Variants in NCK1 observed in about 807,000 individuals in gnomAD.
The protein encoded by NCK1 is NCK adaptor protein 1, also known as SH2/SH3 adapter protein NCK1.
Under a neutral mutation model 36.6 loss-of-function variants are expected in NCK1, and 19 were observed. The observed-to-expected ratio is 0.52, with a 90% CI of 0.36 to 0.76. The LOEUF is 0.76. Among genes scored for constraint, NCK1 ranks in the 30% least tolerant of loss-of-function variants. NCK1 has a pLI of 0.00. For missense variants in NCK1, 358 were observed against 445.6 expected, an observed-to-expected ratio of 0.80 and a Z score of 1.77; for synonymous variants, 165 against 156.0, an observed-to-expected ratio of 1.06 and a Z score of -0.43.
rs1458357258 is a variant in NCK1 at position 136,948,455 on chromosome 3, A to C, written c.*2A>C. ...TATCTTGTCAAGCATTTATCATGAT[A>C]CTGCTGACCAGAAGTGACTGCTGTG... On this transcript the variant is annotated 3_prime_UTR_variant, in exon 4 of 4. Coordinates refer to ENST00000481752, the MANE Select transcript of NCK1 (RefSeq NM_001291999.2). The C allele has an allele frequency of 6.2e-7, 1 of 1,609,916 alleles. No homozygotes were observed. The highest frequency in any genetic ancestry group is 8.5e-7 in the Non-Finnish European group (1 of 1,177,540).
Position 136,950,756 on chromosome 3 carries a change from G to A in NCK1, c.*2303G>A, listed in dbSNP as rs1940952216. On this transcript the variant is annotated 3_prime_UTR_variant, in exon 4 of 4. Transcript: ENST00000481752. ...GTTTTAGACTAGGAGGAGAGTCCTG[G>A]GAAGGGCAATATTACAGAAGTTTTC... Among the ~76,000 whole-genome samples the A allele has an allele frequency of 6.6e-6, 1 of 152,060 alleles. No homozygotes were observed. The highest frequency in any genetic ancestry group is 1.5e-5 in the Non-Finnish European group (1 of 67,990).
rs761937235 is a variant in NCK1, at chr3:136,948,241, CT to C, written c.940-10del. 38 of 1,558,324 alleles carry C rather than the reference CT, an allele frequency of 2.4e-5. No homozygotes were observed. In the African/African-American group the frequency reaches 2.5e-4, roughly 10 times the overall value. On this transcript the variant is annotated splice_polypyrimidine_tract_variant and intron_variant, in intron 3 of 3. Transcript: ENST00000481752. ...CTTTCAAAATGTTTACTATATGTAT[CT>C]TTTTTTTCTCTTTTAGCCAAATGAT... is the stretch of plus-strand genomic sequence containing the variant.
intron 1 of NCK1, among the ~76,000 whole-genome samples, chr3:136,924,717 C>G (rs904140064): frequency 6.6e-6 from 1 of 152,148 alleles, no homozygotes. Context: ...CTATGTTTCA[C>G]CACACTGCCA....
At chr3:136,872,824 T>TTGGTGTTGATGCTGCAATG (rs1938664166) in intron 1 of NCK1, among the ~76,000 whole-genome samples, 1 of 152,152 alleles carries the variant, frequency 6.6e-6, no homozygotes, top group Non-Finnish European at 1.5e-5. Context: ...GCCCCAAGCC[T>TTGGTGTTGATGCTGCAATG]TGGTGTTGAT....
chr3:136,895,327 A>G (rs1440374032), intron 1 of NCK1, among the ~76,000 whole-genome samples: 1 of 151,992 alleles, frequency 6.6e-6, no homozygotes, highest in Non-Finnish European at 1.5e-5. Context: ...TTTATTATAT[A>G]TATATATCAT....
chr3:136,877,891 A>G (rs1938818405), intron 1 of NCK1, among the ~76,000 whole-genome samples: 1 of 152,184 alleles, frequency 6.6e-6, no homozygotes, highest in Admixed American at 6.5e-5. Context: ...CAGCTCAGTC[A>G]TAATAGCCCC....
intron 2 of NCK1, among the ~76,000 whole-genome samples, chr3:136,938,297 T>C (rs1332321571): frequency 6.6e-6 from 1 of 152,232 alleles, no homozygotes; most frequent in East Asian, 1.9e-4. Flanking sequence ...GTTTTCCTAG[T>C]ACAAATGATC....
chr3:136,932,168 A>G (rs1030407453), intron 2 of NCK1, among the ~76,000 whole-genome samples: 1 of 152,156 alleles, frequency 6.6e-6, no homozygotes, highest in East Asian at 1.9e-4. Context: ...ACAGTGATTC[A>G]ATATATATCA....
chr3:136,933,814 C>T (rs1940453392), intron 2 of NCK1, among the ~76,000 whole-genome samples: 1 of 152,130 alleles, frequency 6.6e-6, no homozygotes, highest in Non-Finnish European at 1.5e-5. Flanking sequence ...AAACGATTCT[C>T]GTCCCTCAGC....
intron 1 of NCK1, chr3:136,899,675 A>G: frequency 4.0e-6 from 3 of 745,258 alleles, no homozygotes; most frequent in South Asian, 2.8e-5. Context: ...CCAAATCTAA[A>G]TAATCACTGG....
chr3:136,887,845 A>T (rs935277605), intron 1 of NCK1, among the ~76,000 whole-genome samples: 1 of 152,218 alleles, frequency 6.6e-6, no homozygotes, highest in Non-Finnish European at 1.5e-5. Context: ...TTACACACTG[A>T]TGATAAATGA....
At chr3:136,888,706 T>C (rs964745013) in intron 1 of NCK1, among the ~76,000 whole-genome samples, 1 of 152,104 alleles carries the variant, frequency 6.6e-6, no homozygotes, top group African/African-American at 2.4e-5. Context: ...TACTCATTAG[T>C]TGTCACCCCT....
chr3:136,907,268 G>A lies in NCK1; in HGVS notation c.-18-20716G>A, dbSNP rs148752813. ...TGGCTTTGGTCTTGGACCCTGTGGA[G>A]CAGCTATAGGTGGAGAATGTCAATG... On this transcript the variant is annotated intron_variant, in intron 1 of 3. Transcript: ENST00000481752. Among the ~76,000 whole-genome samples, 610 of 152,268 alleles carry A rather than the reference G, an allele frequency of 4.0e-3. 3 individuals carry two copies. Among genetic ancestry groups the A allele is most frequent in the Non-Finnish European group, 6.5e-3 (440 of 68,014 alleles).
chr3:136,890,377 C>T (rs960777829), intron 1 of NCK1, among the ~76,000 whole-genome samples: 2 of 152,034 alleles, frequency 1.3e-5, no homozygotes, highest in African/African-American at 2.4e-5. Context: ...CCGCTGGCGC[C>T]TCTCCCTCTA....
chr3:136,866,994 T>A (rs960613614), intron 1 of NCK1, among the ~76,000 whole-genome samples: 10 of 152,314 alleles, frequency 6.6e-5, no homozygotes, highest in Middle Eastern at 3.4e-3. Flanking sequence ...ATTTTCGCTT[T>A]TGGTCCTTTG....
At chr3:136,889,561 C>T (rs1035380126) in intron 1 of NCK1, among the ~76,000 whole-genome samples, 3 of 152,050 alleles carry the variant, frequency 2.0e-5, no homozygotes, top group South Asian at 2.1e-4. Context: ...CCACTGCTGG[C>T]TCGGGCAGCC....
At chr3:136,918,719 A>G (rs1940030338) in intron 1 of NCK1, among the ~76,000 whole-genome samples, 1 of 152,184 alleles carries the variant, frequency 6.6e-6, no homozygotes, top group African/African-American at 2.4e-5. Flanking sequence ...AGTTTAGTGT[A>G]TTTTATGTGT....
At chr3:136,894,476 C>T (rs538940880) in intron 1 of NCK1, among the ~76,000 whole-genome samples, 42 of 152,236 alleles carry the variant, frequency 2.8e-4, no homozygotes, top group South Asian at 6.2e-4. Flanking sequence ...TTTTGTTAGC[C>T]GGACAGTTTC....
At position 136,944,111 on chromosome 3, in the gene NCK1, CCTT is replaced by C. The variant is rs148317015; in HGVS notation, c.227-1471_227-1469del. Among the ~76,000 whole-genome samples, 587 of 80,864 alleles carry C rather than the reference CCTT, an allele frequency of 7.3e-3. 21 individuals are homozygous for C. The highest frequency in any genetic ancestry group is 0.031 in the African/African-American group (534 of 17,414). The allele number at this position is 80,864 out of a possible 152,430, so 53.0% of individuals were successfully genotyped here. A position where few individuals can be genotyped will look rare whatever the true frequency, so the allele number is the denominator to read the frequency against. ...AAAGTCGAGGGAAAAGGAAAAACAACCTTTTTTTTTTTTTTTTTTTTTTTTTGA... is the reference window on the plus strand; with the variant it reads ...AAAGTCGAGGGAAAAGGAAAAACAACTTTTTTTTTTTTTTTTTTTTTTTGA... On this transcript the variant is annotated intron_variant, in intron 2 of 3. Coordinates refer to ENST00000481752, the MANE Select transcript of NCK1 (RefSeq NM_001291999.2).
Sources: allele counts gnomAD v4.1 joint callset (sites outside exome capture counted in the v4.1 genomes callset), GRCh38; gene constraint gnomAD v4.1.1; transcripts MANE v1.5; gene names NCBI Gene and HGNC (gene_info 2026-07-23, HGNC 2026-07-21).